Variants in TEAD1 observed in about 807,000 individuals in gnomAD.
The protein encoded by TEAD1 is TEA domain transcription factor 1.
In TEAD1, 9 loss-of-function variants were observed where a neutral mutation model predicts 54.9. That is an observed-to-expected ratio of 0.16 (90% CI 0.10 to 0.29). The LOEUF is 0.29. Among genes scored for constraint, TEAD1 ranks in the 10% least tolerant of loss-of-function variants. TEAD1 has a pLI of 1.00. For missense variants in TEAD1, 387 were observed against 535.9 expected (o/e 0.72, Z 2.74); for synonymous variants, 200 against 187.8 (o/e 1.07, Z -0.53).
At chr11:12,678,573 C>T (rs546465470) in intron 2 of TEAD1, among the ~76,000 whole-genome samples, 6 of 152,322 alleles carry the variant, frequency 3.9e-5, no homozygotes, top group African/African-American at 1.2e-4. Flanking sequence ...CTACGCACTT[C>T]ATATTCATGG....
At position 12,901,962 on chromosome 11, in the gene TEAD1, A is replaced by G; in HGVS notation, c.722A>G (p.His241Arg). The change falls in exon 10 of 13, where the codon CAC becomes CGC. Residue 241 changes from histidine to arginine, a missense_variant. By Grantham distance (29) the His-to-Arg change is conservative (BLOSUM62 0). Coordinates refer to ENST00000527636, the MANE Select transcript of TEAD1 (RefSeq NM_021961.6). ...CAGTACAACAAACACCTCTTCGTGCACATTGGGCATGCCAACCATTCTTAC... is the reference window on the plus strand; with the variant it reads ...CAGTACAACAAACACCTCTTCGTGCGCATTGGGCATGCCAACCATTCTTAC... The G allele has an allele frequency of 6.2e-7, 1 of 1,614,238 alleles. No homozygotes were observed. Among genetic ancestry groups the G allele is most frequent in the Non-Finnish European group, 8.5e-7 (1 of 1,180,040 alleles).
chr11:12,891,286 G>A (rs955630024), intron 9 of TEAD1, among the ~76,000 whole-genome samples: 1 of 152,172 alleles, frequency 6.6e-6, no homozygotes, highest in African/African-American at 2.4e-5. Context: ...ACCCCACCCT[G>A]CTTTTTAAAG....
intron 2 of TEAD1, among the ~76,000 whole-genome samples, chr11:12,722,451 C>A (rs770584210): frequency 2.0e-5 from 3 of 152,178 alleles, no homozygotes; most frequent in Admixed American, 6.5e-5. Flanking sequence ...TCCCTTTCCT[C>A]ATCAGCCTGC....
chr11:12,676,297 G>T (rs942557626), intron 2 of TEAD1, among the ~76,000 whole-genome samples: 6 of 152,220 alleles, frequency 3.9e-5, no homozygotes, highest in Non-Finnish European at 5.9e-5. Flanking sequence ...GGGGTGCGCT[G>T]GTTGCCTGCA....
In TEAD1 at chr11:12,883,101, C is replaced by G. The variant is rs148823826; in HGVS notation, c.675C>G (p.Leu225=). The G allele has an allele frequency of 4.3e-5, 69 of 1,614,080 alleles. No homozygotes were observed. Among genetic ancestry groups the G allele is most frequent in the Non-Finnish European group, 5.8e-5 (68 of 1,180,054 alleles). The stretch of plus-strand genomic sequence containing the variant: ...GCCTGGTGGAATTTTCAGCTTTTCT[C>G]GAGCAGCAGCGAGACCCAGACTCGG... The change falls in exon 9 of 13, where the codon CTC becomes CTG. Residue 225 remains leucine (L), a synonymous_variant. Coordinates refer to ENST00000527636, the MANE Select transcript of TEAD1 (RefSeq NM_021961.6).
intron 10 of TEAD1, among the ~76,000 whole-genome samples, chr11:12,910,492 T>C (rs1948597019): frequency 6.6e-6 from 1 of 152,148 alleles, no homozygotes; most frequent in Non-Finnish European, 1.5e-5. Context: ...TAAACTTTGA[T>C]TGGAATAATA....
chr11:12,896,258 A>G (rs1381706601), intron 9 of TEAD1, among the ~76,000 whole-genome samples: 1 of 152,232 alleles, frequency 6.6e-6, no homozygotes, highest in Non-Finnish European at 1.5e-5. Flanking sequence ...GATATAAATC[A>G]GGTCCGCTCT....
At chr11:12,748,514 T>C (rs1944797990) in intron 2 of TEAD1, among the ~76,000 whole-genome samples, 1 of 152,036 alleles carries the variant, frequency 6.6e-6, no homozygotes, top group Non-Finnish European at 1.5e-5. Flanking sequence ...CCTGAGTGAG[T>C]GGGGATCTGC....
At chr11:12,767,869 A>G (rs1054904388) in intron 3 of TEAD1, among the ~76,000 whole-genome samples, 1 of 152,192 alleles carries the variant, frequency 6.6e-6, no homozygotes, top group Non-Finnish European at 1.5e-5. Flanking sequence ...GTTTTTACAC[A>G]GCTACGTGTG....
At chr11:12,895,483 G>T (rs1350633239) in intron 9 of TEAD1, among the ~76,000 whole-genome samples, 1 of 152,158 alleles carries the variant, frequency 6.6e-6, no homozygotes, top group African/African-American at 2.4e-5. Context: ...CAGCTGTCCT[G>T]AGCGTTTGAG....
chr11:12,931,418 C>G (rs1488130366), intron 12 of TEAD1, among the ~76,000 whole-genome samples: 1 of 152,190 alleles, frequency 6.6e-6, no homozygotes, highest in East Asian at 1.9e-4. Flanking sequence ...AGAGGGGCAA[C>G]AAGGCTATAC....
chr11:12,828,397 A>G (rs988339656), intron 3 of TEAD1: 3 of 152,212 alleles, frequency 2.0e-5, no homozygotes, highest in Non-Finnish European at 4.4e-5. Context: ...ATTCGAGTCA[A>G]TTAGCTTCTT....
chr11:12,697,069 TG>T (rs1354912307), intron 2 of TEAD1, among the ~76,000 whole-genome samples: 2 of 152,138 alleles, frequency 1.3e-5, no homozygotes, highest in African/African-American at 2.4e-5. Context: ...CAGTCGTGCC[TG>T]GGGGCACTGA....
intron 12 of TEAD1, among the ~76,000 whole-genome samples, chr11:12,934,691 C>T (rs1949069411): frequency 6.6e-6 from 1 of 151,998 alleles, no homozygotes; most frequent in African/African-American, 2.4e-5. Flanking sequence ...ATCAGTTTCA[C>T]CTTGATTTAT....
At chr11:12,911,713 C>T (rs1292753346) in intron 10 of TEAD1, among the ~76,000 whole-genome samples, 1 of 149,328 alleles carries the variant, frequency 6.7e-6, no homozygotes, top group Non-Finnish European at 1.5e-5. Flanking sequence ...CTTGATAGGC[C>T]CTGCTATTGT....
intron 3 of TEAD1, among the ~76,000 whole-genome samples, chr11:12,788,197 C>T (rs1032919353): frequency 5.8e-4 from 86 of 148,596 alleles, no homozygotes; most frequent in South Asian, 8.6e-4. Context: ...AGTGCAGTGG[C>T]GCGACCTTGG....
At chr11:12,681,320 G>C (rs527430986) in intron 2 of TEAD1, among the ~76,000 whole-genome samples, 100 of 152,224 alleles carry the variant, frequency 6.6e-4, no homozygotes, top group African/African-American at 2.2e-3. Context: ...TTTGATGAAA[G>C]GTTTCTAGTT....
chr11:12,779,735 C>T (rs1042715558), intron 3 of TEAD1, among the ~76,000 whole-genome samples: 3 of 152,070 alleles, frequency 2.0e-5, no homozygotes, highest in Non-Finnish European at 2.9e-5. Flanking sequence ...ATACAGTGAC[C>T]AAGTGGGATT....
chr11:12,798,335 A>T (rs193142824), intron 3 of TEAD1, among the ~76,000 whole-genome samples: 4 of 152,152 alleles, frequency 2.6e-5, no homozygotes, highest in African/African-American at 9.6e-5. Context: ...CTGGAAGAGT[A>T]CTCATCTTTT....
Sources: gnomAD v4.1 joint callset for allele counts (sites outside exome capture counted in the v4.1 genomes callset) on GRCh38, gnomAD v4.1.1 for gene constraint, MANE v1.5 for transcripts, NCBI Gene and HGNC (gene_info 2026-07-23, HGNC 2026-07-21) for gene names.